Variants in ATF7IP2 observed in about 807,000 individuals in gnomAD.
ATF7IP2 encodes the protein activating transcription factor 7 interacting protein 2.
ATF7IP2 carries 42 observed loss-of-function variants against 64.2 expected under a neutral mutation model. That is an observed-to-expected ratio of 0.65 (90% confidence interval 0.51 to 0.85). The LOEUF (loss-of-function observed/expected upper bound fraction) is 0.85, where lower values mean the gene tolerates loss of function less well. ATF7IP2 is among the 40% of genes least tolerant of loss of function. ATF7IP2 has a pLI of 0.00. For missense variants in ATF7IP2, 933 were observed against 784.2 expected, an observed-to-expected ratio of 1.19 and a Z score of -2.27; for synonymous variants, 308 against 272.8, an observed-to-expected ratio of 1.13 and a Z score of -1.27.
intron 12 of ATF7IP2, among the ~76,000 whole-genome samples, chr16:10,475,901 T>G (rs1460106954): frequency 6.6e-6 from 1 of 152,302 alleles, no homozygotes; most frequent in South Asian, 2.1e-4. Flanking sequence ...TTACAAGAGA[T>G]GTACTTTAAA....
intron 1 of ATF7IP2, among the ~76,000 whole-genome samples, chr16:10,400,512 A>T (rs2047507613): frequency 6.6e-6 from 1 of 152,120 alleles, no homozygotes; most frequent in Non-Finnish European, 1.5e-5. Context: ...GGCCTCCAGG[A>T]TATATAGTAG....
intron 1 of ATF7IP2, among the ~76,000 whole-genome samples, chr16:10,413,114 C>T (rs1300775894): frequency 6.6e-6 from 1 of 152,120 alleles, no homozygotes; most frequent in Non-Finnish European, 1.5e-5. Flanking sequence ...CGTATCCATT[C>T]TGCAAATTCA....
chr16:10,427,663 G>A lies in ATF7IP2; in HGVS notation c.-159-1205G>A, dbSNP rs76823177. Among the ~76,000 whole-genome samples the A allele has an allele frequency of 6.7e-3, 1,013 of 152,188 alleles. 13 individuals carry two copies. Among genetic ancestry groups the A allele is most frequent in the African/African-American group, 0.023 (951 of 41,518 alleles). On this transcript the variant is annotated intron_variant, in intron 3 of 13. Coordinates refer to ENST00000562102, the MANE Select transcript of ATF7IP2 (RefSeq NM_001393719.1). The stretch of plus-strand genomic sequence containing the variant: ...TTCAGCCCAGGAGTTTCAGACTAGC[G>A]TGGGCAACATAGTAAGACCCAATAT...
chr16:10,398,694 T>C (rs1323855873), intron 1 of ATF7IP2, among the ~76,000 whole-genome samples: 1 of 152,162 alleles, frequency 6.6e-6, no homozygotes, highest in African/African-American at 2.4e-5. Flanking sequence ...AAATACTATA[T>C]GATGTCACTC....
intron 6 of ATF7IP2, among the ~76,000 whole-genome samples, chr16:10,434,930 T>C (rs2048369823): frequency 6.6e-6 from 1 of 152,182 alleles, no homozygotes. Context: ...CACACCCAGC[T>C]AACTTTTTGT....
chr16:10,455,128 G>C (rs999216496), intron 8 of ATF7IP2, among the ~76,000 whole-genome samples: 1 of 152,168 alleles, frequency 6.6e-6, no homozygotes, highest in African/African-American at 2.4e-5. Context: ...GTCCCTGCAA[G>C]ATGTCCATGA....
intron 1 of ATF7IP2, among the ~76,000 whole-genome samples, chr16:10,408,695 T>C (rs2047691514): frequency 6.6e-6 from 1 of 152,240 alleles, no homozygotes; most frequent in South Asian, 2.1e-4. Context: ...ATTTGTTTTT[T>C]TTCTTGCTAA....
At chr16:10,461,175 A>G (rs1567166079) in intron 9 of ATF7IP2, among the ~76,000 whole-genome samples, 1 of 152,136 alleles carries the variant, frequency 6.6e-6, no homozygotes, top group Non-Finnish European at 1.5e-5. Context: ...GAAAAAATAC[A>G]TTTAAAAATC....
intron 9 of ATF7IP2, among the ~76,000 whole-genome samples, chr16:10,469,738 T>A (rs563393254): frequency 6.6e-6 from 1 of 152,216 alleles, no homozygotes; most frequent in South Asian, 2.1e-4. Flanking sequence ...ATCATGCCAC[T>A]GCACTCCAGC....
intron 8 of ATF7IP2, among the ~76,000 whole-genome samples, chr16:10,450,441 TGA>T (rs955400648): frequency 6.6e-6 from 1 of 152,332 alleles, no homozygotes; most frequent in African/African-American, 2.4e-5. Context: ...TATTACTGTC[TGA>T]GAGTCTTAAG....
At chr16:10,452,925 C>T (rs1467819155) in intron 8 of ATF7IP2, among the ~76,000 whole-genome samples, 5 of 152,100 alleles carry the variant, frequency 3.3e-5, no homozygotes, top group Non-Finnish European at 7.4e-5. Flanking sequence ...ATGGTCAATG[C>T]CCCTCCCCTC....
chr16:10,396,958 C>T (rs1041936726), intron 1 of ATF7IP2, among the ~76,000 whole-genome samples: 9 of 152,204 alleles, frequency 5.9e-5, no homozygotes, highest in East Asian at 1.9e-4. Context: ...TGAGCTACCA[C>T]GCCCAGCCTA....
intron 3 of ATF7IP2, among the ~76,000 whole-genome samples, chr16:10,421,157 G>C (rs73514865): frequency 0.014 from 2,072 of 152,234 alleles, 47 homozygotes; most frequent in African/African-American, 0.047. Context: ...TGAGTTCTCT[G>C]ATTTCCTATC....
intron 6 of ATF7IP2, among the ~76,000 whole-genome samples, chr16:10,436,451 G>A (rs1279884476): frequency 6.6e-6 from 1 of 151,852 alleles, no homozygotes; most frequent in Non-Finnish European, 1.5e-5. Context: ...TAAAAGTTAT[G>A]AAAGTAAAAA....
chr16:10,429,793 A>G (rs1311013175), intron 4 of ATF7IP2, among the ~76,000 whole-genome samples: 8 of 122,950 alleles, frequency 6.5e-5, no homozygotes, highest in Admixed American at 4.7e-4. Flanking sequence ...TTTAATTTTT[A>G]TTTTATTTAT....
At chr16:10,417,489 T>C (rs1396678470) in intron 2 of ATF7IP2, among the ~76,000 whole-genome samples, 1 of 152,066 alleles carries the variant, frequency 6.6e-6, no homozygotes, top group African/African-American at 2.4e-5. Context: ...ACAAACATGA[T>C]CATTATTTAA....
chr16:10,429,267 T>C (rs568602858), intron 4 of ATF7IP2, among the ~76,000 whole-genome samples: 4 of 152,254 alleles, frequency 2.6e-5, no homozygotes, highest in Admixed American at 6.5e-5. Context: ...ATAGGAAAAA[T>C]AGAATTGTAT....
At chr16:10,478,091 T>C (rs2050078205) in intron 12 of ATF7IP2, among the ~76,000 whole-genome samples, 1 of 151,276 alleles carries the variant, frequency 6.6e-6, no homozygotes, top group African/African-American at 2.4e-5. Flanking sequence ...AGGTAATTTA[T>C]AGATTCAATG....
At chr16:10,401,540 C>G (rs927499836) in intron 1 of ATF7IP2, among the ~76,000 whole-genome samples, 1 of 152,050 alleles carries the variant, frequency 6.6e-6, no homozygotes, top group African/African-American at 2.4e-5. Context: ...TTATGTTTAT[C>G]AGGGATATTG....
Sources: gnomAD v4.1 joint callset for allele counts (sites outside exome capture counted in the v4.1 genomes callset) on GRCh38, gnomAD v4.1.1 for gene constraint, MANE v1.5 for transcripts, NCBI Gene and HGNC (gene_info 2026-07-23, HGNC 2026-07-21) for gene names.